The following CUX1 variants were observed in gnomAD, a reference collection of about 807,000 sequenced individuals.
CUX1 encodes the protein protein CASP.
CUX1 carries 31 observed loss-of-function variants against 158.8 expected under a neutral mutation model. That is an observed-to-expected ratio of 0.20 (90% CI 0.15 to 0.26). CUX1 has a LOEUF of 0.26. CUX1 is among the 10% of genes least tolerant of loss of function. The probability of loss-of-function intolerance (pLI) is 1.00; values close to 1 mark genes in which losing one functional copy is unlikely to be tolerated. For synonymous variants in CUX1, 879 were observed against 862.1 expected, an observed-to-expected ratio of 1.02 and a Z score of -0.34; for missense variants, 1,589 against 2,014.6, an observed-to-expected ratio of 0.79 and a Z score of 4.04.
chr7:102,268,233 G>A (rs1790949218), intron 14 of CUX1, among the ~76,000 whole-genome samples: 1 of 152,114 alleles, frequency 6.6e-6, no homozygotes, highest in African/African-American at 2.4e-5. Context: ...GTTGCAGATG[G>A]TCCATTCCAC....
intron 5 of CUX1, among the ~76,000 whole-genome samples, chr7:102,103,916 T>G (rs1554487455): frequency 6.6e-6 from 1 of 152,162 alleles, no homozygotes; most frequent in Non-Finnish European, 1.5e-5. Context: ...TCTTCCAAAA[T>G]GCACACACTA....
At chr7:101,996,832 C>T (rs1815968105) in intron 2 of CUX1, among the ~76,000 whole-genome samples, 1 of 151,962 alleles carries the variant, frequency 6.6e-6, no homozygotes, top group African/African-American at 2.4e-5. Context: ...TCTCTTGCTC[C>T]TCTGCCGCAT....
At chr7:102,169,406 G>A (rs1791473411) in intron 9 of CUX1, among the ~76,000 whole-genome samples, 1 of 152,212 alleles carries the variant, frequency 6.6e-6, no homozygotes, top group Non-Finnish European at 1.5e-5. Flanking sequence ...TTCTAGCAGT[G>A]GAATGTAAGT....
intron 1 of CUX1, among the ~76,000 whole-genome samples, chr7:101,887,151 G>A (rs1800312866): frequency 6.6e-6 from 1 of 152,162 alleles, no homozygotes; most frequent in South Asian, 2.1e-4. Flanking sequence ...TTTGGAAGGG[G>A]CTTTGCTGGG....
At chr7:101,940,759 G>A (rs1464144083) in intron 2 of CUX1, among the ~76,000 whole-genome samples, 1 of 152,060 alleles carries the variant, frequency 6.6e-6, no homozygotes, top group Non-Finnish European at 1.5e-5. Flanking sequence ...TCTGTTGCTT[G>A]GCTGATTGAT....
chr7:102,059,962 C>T (rs886125126), intron 3 of CUX1, among the ~76,000 whole-genome samples: 2 of 151,984 alleles, frequency 1.3e-5, no homozygotes, highest in Non-Finnish European at 2.9e-5. Flanking sequence ...TTGAATATGC[C>T]GTCTTCACTG....
At chr7:102,274,768 C>T (rs1375461749) in intron 16 of CUX1, among the ~76,000 whole-genome samples, 1 of 152,214 alleles carries the variant, frequency 6.6e-6, no homozygotes, top group Non-Finnish European at 1.5e-5. Flanking sequence ...AAAGTGCAGC[C>T]GGAGGTCCGT....
chr7:101,853,584 G>GGTGTGTGTGTGTGTGTGTGTGTGTGTGT (rs59324904), intron 1 of CUX1, among the ~76,000 whole-genome samples: 12 of 140,788 alleles, frequency 8.5e-5, no homozygotes, highest in African/African-American at 2.7e-4. Flanking sequence ...CAATAGAAAG[G>GGTGTGTGTGTGTGTGTGTGTGTGTGTGT]GTGTGTGTGT....
chr7:101,987,921 C>T (rs917212594), intron 2 of CUX1, among the ~76,000 whole-genome samples: 4 of 152,188 alleles, frequency 2.6e-5, no homozygotes, highest in Non-Finnish European at 5.9e-5. Context: ...GTGTAAGAAG[C>T]GTTTTTTCAG....
At chr7:102,173,719 C>T (rs1207829654) in intron 10 of CUX1, among the ~76,000 whole-genome samples, 1 of 152,152 alleles carries the variant, frequency 6.6e-6, no homozygotes, top group African/African-American at 2.4e-5. Flanking sequence ...CAAAACATTT[C>T]AGAAGGAAAT....
At chr7:102,064,170 G>A (rs866989616) in intron 3 of CUX1, among the ~76,000 whole-genome samples, 9 of 152,036 alleles carry the variant, frequency 5.9e-5, no homozygotes, top group Middle Eastern at 3.4e-3. Context: ...GTGTCTAACC[G>A]TCTCTAGATC....
chr7:101,966,753 C>T (rs1305005184), intron 2 of CUX1, among the ~76,000 whole-genome samples: 1 of 152,172 alleles, frequency 6.6e-6, no homozygotes, highest in Non-Finnish European at 1.5e-5. Context: ...TCGTTACCCA[C>T]GGTCTGTATC....
intron 11 of CUX1, among the ~76,000 whole-genome samples, chr7:102,189,421 C>T (rs1554516316): frequency 7.0e-6 from 1 of 143,820 alleles, no homozygotes; most frequent in African/African-American, 2.6e-5. Context: ...AGGGTCTCCA[C>T]TCCTCACTCT....
chr7:102,013,846 AG>A (rs1186993974), intron 2 of CUX1, among the ~76,000 whole-genome samples: 1 of 152,028 alleles, frequency 6.6e-6, no homozygotes, highest in Non-Finnish European at 1.5e-5. Context: ...CTGGGACCAT[AG>A]GCACACACCA....
At chr7:102,120,056 CA>C (rs1554492979) in intron 8 of CUX1, among the ~76,000 whole-genome samples, 1 of 152,184 alleles carries the variant, frequency 6.6e-6, no homozygotes, top group African/African-American at 2.4e-5. Flanking sequence ...AATCACGCAG[CA>C]GTAGGCAGCC....
chr7:101,927,995 C>T (rs1805812491), intron 2 of CUX1, among the ~76,000 whole-genome samples: 1 of 152,188 alleles, frequency 6.6e-6, no homozygotes, highest in Admixed American at 6.5e-5. Flanking sequence ...AGGCCGGCAT[C>T]CCCTTTCCTT....
At chr7:101,955,196 G>A (rs1809609050) in intron 2 of CUX1, among the ~76,000 whole-genome samples, 1 of 152,028 alleles carries the variant, frequency 6.6e-6, no homozygotes, top group Non-Finnish European at 1.5e-5. Flanking sequence ...TCAAGGAAGG[G>A]AGAGGATGAT....
intron 11 of CUX1, among the ~76,000 whole-genome samples, chr7:102,186,593 A>AT (rs782003329): frequency 0.038 from 2,895 of 76,176 alleles, 106 homozygotes; most frequent in African/African-American, 0.11. Flanking sequence ...ATATATATAT[A>AT]TATTTTTTTT....
chr7:101,984,479 C>T (rs1368987605), intron 2 of CUX1, among the ~76,000 whole-genome samples: 1 of 146,542 alleles, frequency 6.8e-6, no homozygotes, highest in African/African-American at 2.5e-5. Context: ...TTTTTGAACG[C>T]TCAGATTGTT....
Sources: gnomAD v4.1 joint callset for allele counts (sites outside exome capture counted in the v4.1 genomes callset) on GRCh38, gnomAD v4.1.1 for gene constraint, MANE v1.5 for transcripts, NCBI Gene and HGNC (gene_info 2026-07-23, HGNC 2026-07-21) for gene names.